The following RPS6KA2 variants were observed in gnomAD, a reference collection of about 807,000 sequenced individuals.
RPS6KA2 encodes the protein ribosomal protein S6 kinase alpha-2.
Under a neutral mutation model 91.8 loss-of-function variants are expected in RPS6KA2, and 42 were observed. The observed-to-expected ratio is 0.46, with a 90% CI of 0.36 to 0.59. The LOEUF is 0.59. Ranked by LOEUF, RPS6KA2 falls within the 20% of genes least tolerant of loss-of-function variation. The probability of loss-of-function intolerance (pLI) is 0.00; values close to 1 mark genes in which losing one functional copy is unlikely to be tolerated. For synonymous variants in RPS6KA2, 414 were observed against 393.6 expected, an observed-to-expected ratio of 1.05 and a Z score of -0.61; for missense variants, 798 against 978.5, an observed-to-expected ratio of 0.82 and a Z score of 2.46.
intron 2 of RPS6KA2, 53 bp from the exon 3 acceptor site, chr6:166,531,366 T>C: frequency 7.3e-7 from 1 of 1,362,232 alleles, no homozygotes; most frequent in Non-Finnish European, 1.1e-6. Flanking sequence ...AAACTCGCTT[T>C]CCATATTGGA....
At chr6:166,467,993 C>A (rs1401770506) in intron 11 of RPS6KA2, among the ~76,000 whole-genome samples, 1 of 152,238 alleles carries the variant, frequency 6.6e-6, no homozygotes, top group Non-Finnish European at 1.5e-5. Flanking sequence ...ATGCTGTGAC[C>A]CCCTGAGGGG....
At chr6:166,532,128 C>T (rs573495972) in intron 2 of RPS6KA2, among the ~76,000 whole-genome samples, 1 of 152,314 alleles carries the variant, frequency 6.6e-6, no homozygotes, top group South Asian at 2.1e-4. Context: ...GCTGGAGGGC[C>T]GAGGTAGGGT....
intron 1 of RPS6KA2, chr6:166,586,501 G>A: frequency 6.3e-7 from 1 of 1,587,366 alleles, no homozygotes; most frequent in African/African-American, 1.7e-5. Context: ...AAGGTTTGAG[G>A]CAGCTGTATT....
intron 2 of RPS6KA2, among the ~76,000 whole-genome samples, chr6:166,741,740 A>C (rs1790821717): frequency 6.6e-6 from 1 of 152,220 alleles, no homozygotes; most frequent in Non-Finnish European, 1.5e-5. Flanking sequence ...AAGGGACAGA[A>C]ACCCCAGAAA....
intron 2 of RPS6KA2, among the ~76,000 whole-genome samples, chr6:166,788,526 G>GT (rs1778989894): frequency 6.6e-6 from 1 of 152,222 alleles, no homozygotes; most frequent in South Asian, 2.1e-4. Flanking sequence ...ATGAGATCAT[G>GT]TTCTTTGCAG....
intron 3 of RPS6KA2, among the ~76,000 whole-genome samples, chr6:166,525,829 T>G (rs1023294535): frequency 6.6e-6 from 1 of 152,184 alleles, no homozygotes; most frequent in Admixed American, 6.5e-5. Context: ...TTCAGGATGA[T>G]TAATGATCTC....
chr6:166,455,595 C>A (rs908763005), intron 12 of RPS6KA2, among the ~76,000 whole-genome samples: 1 of 152,196 alleles, frequency 6.6e-6, no homozygotes, highest in South Asian at 2.1e-4. Context: ...ACTAGCGAAG[C>A]GTCGTTAAAA....
chr6:166,815,823 G>A (rs1014409193), intron 2 of RPS6KA2, among the ~76,000 whole-genome samples: 7 of 152,132 alleles, frequency 4.6e-5, no homozygotes, highest in South Asian at 2.1e-4. Flanking sequence ...TCAGTACCGC[G>A]GACAGAGGTT....
intron 2 of RPS6KA2, chr6:166,757,728 A>C (rs966136103): frequency 2.5e-5 from 8 of 325,824 alleles, no homozygotes; most frequent in Non-Finnish European, 3.1e-5. Flanking sequence ...CCCTCCCCTC[A>C]CCCCTCTCCA....
intron 1 of RPS6KA2, among the ~76,000 whole-genome samples, chr6:166,540,109 AGGT>A (rs1783608836): frequency 6.6e-6 from 1 of 152,214 alleles, no homozygotes; most frequent in Non-Finnish European, 1.5e-5. Context: ...GAAGTGATAG[AGGT>A]GGGCTTCTCA....
At position 166,626,650 on chromosome 6, in the gene RPS6KA2, C is replaced by T. The variant is rs1358083670; in HGVS notation, c.99+271G>A. 6.6e-6 allele frequency among the ~76,000 whole-genome samples: 1 copy of T among 152,238 alleles called. No homozygotes were observed. The highest frequency in any genetic ancestry group is 1.5e-5 in the Non-Finnish European group (1 of 68,022). Reference sequence around the variant, plus strand: ...CTGTGGCCCACAGGGGACCATCCCACACCCCGTGCAGCCAGCGGCGGAGAA... The same window carrying T: ...CTGTGGCCCACAGGGGACCATCCCATACCCCGTGCAGCCAGCGGCGGAGAA... On this transcript the variant is annotated intron_variant, in intron 1 of 20. Transcript: ENST00000265678. This position sits in a 1 kb window ranked among gnomAD's most constrained non-coding sequence, Gnocchi z 4.1.
At chr6:166,587,673 T>C (rs1785223015) in intron 1 of RPS6KA2, among the ~76,000 whole-genome samples, 1 of 151,122 alleles carries the variant, frequency 6.6e-6, no homozygotes, top group Non-Finnish European at 1.5e-5. Flanking sequence ...ATATTATATA[T>C]ATATATACAC....
chr6:166,746,036 G>A (rs1006079419), intron 2 of RPS6KA2, among the ~76,000 whole-genome samples: 30 of 152,286 alleles, frequency 2.0e-4, no homozygotes, highest in Middle Eastern at 3.4e-3. Flanking sequence ...AGAAGTATCC[G>A]TGTTGCAGCT....
chr6:166,597,959 G>C (rs570681707), intron 1 of RPS6KA2, among the ~76,000 whole-genome samples: 19 of 152,312 alleles, frequency 1.2e-4, no homozygotes, highest in Admixed American at 7.2e-4. Context: ...CAGAGCTTTT[G>C]TGCAAATGGT....
Position 166,469,326 on chromosome 6 carries a change from G to GTTTTTTT in RPS6KA2, c.972+508_972+514dup, listed in dbSNP as rs60876703. Among the ~76,000 whole-genome samples the GTTTTTTT allele has an allele frequency of 8.0e-5, 11 of 137,744 alleles. 1 individual carries two copies. Among genetic ancestry groups the GTTTTTTT allele is most frequent in the Admixed American group, 1.4e-4 (2 of 13,888 alleles). The allele number at this position is 137,744 out of a possible 152,430, so 90.4% of individuals were successfully genotyped here. On this transcript the variant is annotated intron_variant, in intron 11 of 20. Transcript: ENST00000265678. ...TTTATTCCAACAACTCGGCACTGTT[G>GTTTTTTT]TTTTTTTTTTTTTTTTTTAAATGTG...
chr6:166,791,117 C>A (rs1245022653), intron 2 of RPS6KA2, among the ~76,000 whole-genome samples: 1 of 152,112 alleles, frequency 6.6e-6, no homozygotes, highest in African/African-American at 2.4e-5. Flanking sequence ...TTCAGGAGAA[C>A]CATCTCATGT....
chr6:166,517,379 C>T (rs1760758307), intron 3 of RPS6KA2, among the ~76,000 whole-genome samples: 2 of 151,288 alleles, frequency 1.3e-5, no homozygotes, highest in South Asian at 4.2e-4. Flanking sequence ...CTCTGCAGCA[C>T]TGTGACATGC....
intron 2 of RPS6KA2, among the ~76,000 whole-genome samples, chr6:166,764,041 T>TG (rs1246412941): frequency 6.6e-6 from 1 of 152,158 alleles, no homozygotes; most frequent in Non-Finnish European, 1.5e-5. Flanking sequence ...GCGAAGTGTT[T>TG]GGGGAGTTGT....
chr6:166,673,843 G>A (rs147426383), intron 2 of RPS6KA2, among the ~76,000 whole-genome samples: 29 of 152,346 alleles, frequency 1.9e-4, no homozygotes, highest in African/African-American at 7.0e-4. Context: ...ACATGCCAAA[G>A]CATCCAAAAT....
Sources: allele counts gnomAD v4.1 joint callset (sites outside exome capture counted in the v4.1 genomes callset), GRCh38; gene constraint gnomAD v4.1.1; non-coding constraint Gnocchi (gnomAD v3.1); transcripts MANE v1.5; gene names NCBI Gene and HGNC (gene_info 2026-07-23, HGNC 2026-07-21).